The following FLG variants were observed in gnomAD, a reference collection of about 807,000 sequenced individuals.
FLG encodes the protein filaggrin.
Under a neutral mutation model 3.8 loss-of-function variants are expected in FLG, and 6 were observed. The observed-to-expected ratio is 1.60, with a 90% CI of 0.87 to 3.15. FLG has a LOEUF of 3.15. FLG is among the 30% of genes most tolerant of loss of function. FLG has a pLI of 0.00. For missense variants in FLG, 7,595 were observed against 5,050.9 expected, an observed-to-expected ratio of 1.50 and a Z score of -15.27; for synonymous variants, 2,551 against 1,931.6, an observed-to-expected ratio of 1.32 and a Z score of -8.41.
Position 152,307,757 on chromosome 1 carries a change from C to A in FLG, c.7129G>T (p.Asp2377Tyr). ...QASDSEGHSE[D>Y]SDTQSVSAHG... is the part of the protein sequence containing the mutation. ...GCTGACACTGACTGTGTGTCTGAGT[C>A]TTCTGAATGTCCCTCACTGTCACTG... The change falls in exon 3 of 3, where the codon GAC (aspartate) becomes TAC (tyrosine). Residue 2377 changes from aspartate to tyrosine, a missense_variant. By Grantham distance (160) the Asp-to-Tyr change is radical. Transcript: ENST00000368799. 1 of 1,613,286 alleles carries A rather than the reference C, an allele frequency of 6.2e-7. No individual in the cohort carries two copies.
rs113933537 is a variant in FLG at position 152,304,418 on chromosome 1, G to C, written c.10468C>G (p.Arg3490Gly). The C allele has an allele frequency of 1.6e-5, 25 of 1,611,606 alleles. No individual in the cohort carries two copies. Among genetic ancestry groups the C allele is most frequent in the South Asian group, 3.3e-5 (3 of 90,536 alleles). ...CCATCTCCTGATTGTTCGTCATTACGAGTTTGTCTGCTGGCACTTCTGGAT... is the reference window on the plus strand; with the variant it reads ...CCATCTCCTGATTGTTCGTCATTACCAGTTTGTCTGCTGGCACTTCTGGAT... ...SGSRSASRQT[R>G]NDEQSGDGSR... Residue 3490 changes from arginine to glycine, a missense_variant, in exon 3 of 3, where the codon CGT becomes GGT. By Grantham distance (125) the Arg-to-Gly change is moderately radical. Coordinates refer to ENST00000368799, the MANE Select transcript of FLG (RefSeq NM_002016.2).
Position 152,306,097 on chromosome 1 carries a change from G to T in FLG, c.8789C>A (p.Pro2930His). 6.3e-7 allele frequency: 1 copy of T among 1,598,884 alleles called. No homozygotes were observed. Among genetic ancestry groups the T allele is most frequent in the South Asian group, 1.1e-5 (1 of 91,050 alleles). The change falls in exon 3 of 3, where the codon CCC (proline) becomes CAC (histidine). Residue 2930 changes from proline to histidine, a missense_variant. By Grantham distance (77) the Pro-to-His change is moderately conservative (BLOSUM62 -2). Coordinates refer to ENST00000368799, the MANE Select transcript of FLG (RefSeq NM_002016.2). ...AGCTCTGTCTTCTTGATGGGACCTG[G>T]GGTGTCTGGAGCCATCTCTTAGCTG... is the stretch of plus-strand genomic sequence containing the variant. ...QEQLRDGSRH[P>H]RSHQEDRAGH... is the part of the protein sequence containing the mutation.
rs1158578440 is a variant in FLG, at chr1:152,303,221, C to T, written c.11665G>A (p.Gly3889Arg). Residue 3889 changes from glycine to arginine, a missense_variant, in exon 3 of 3, where the codon GGA (glycine) becomes AGA (arginine). Physicochemically the swap from Gly to Arg is moderately radical, Grantham distance 125. Coordinates refer to ENST00000368799, the MANE Select transcript of FLG (RefSeq NM_002016.2). ...TCTCTTGACTGCTCCCGAGAAGATC[C>T]ATGATGGTTTCTGGAAGCAGACTCA... ...RSESASRNHHGSSREQSRDGS... is the reference protein window; with the variant it reads ...RSESASRNHHRSSREQSRDGS... The T allele has an allele frequency of 4.3e-6, 7 of 1,614,066 alleles. No homozygotes were observed. The South Asian group carries it at 6.6e-5, about 15-fold the overall frequency.
Position 152,313,092 on chromosome 1 carries a change from A to C in FLG, c.1794T>G (p.Ser598=). 6.2e-7 allele frequency: 1 copy of C among 1,613,882 alleles called. No homozygotes were observed. The highest frequency in any genetic ancestry group is 8.5e-7 in the Non-Finnish European group (1 of 1,179,992). Residue 598 remains serine, a synonymous_variant, in exon 3 of 3, where the codon TCT becomes TCG. Coordinates refer to ENST00000368799, the MANE Select transcript of FLG (RefSeq NM_002016.2). ...GTCCCTGGCCCACCTGTGAGTGTCT[A>C]GAGCTGTCAGCCTGAGAGGAAGCTT... ...HHEASSQADS[S]RHSQVGQGQS... is the part of the protein sequence containing the mutation.
At chr1:152,317,375 C>G (rs1168244714) in intron 1 of FLG, among the ~76,000 whole-genome samples, 1 of 152,026 alleles carries the variant, frequency 6.6e-6, no homozygotes, top group Non-Finnish European at 1.5e-5. Flanking sequence ...TTCCTTTACT[C>G]AAGGTATTTT....
chr1:152,309,527 C>T lies in FLG; in HGVS notation c.5359G>A (p.Gly1787Arg), dbSNP rs766595278. The T allele has an allele frequency of 6.2e-6, 10 of 1,613,894 alleles. No individual in the cohort carries two copies. Among genetic ancestry groups the T allele is most frequent in the Non-Finnish European group, 7.6e-6 (9 of 1,179,970 alleles). ...TCGTGGCGGGATCTTTGTCTTCCTCCAGTGCTGGGCCCTGTGCGTCCATGG... is the reference window on the plus strand; with the variant it reads ...TCGTGGCGGGATCTTTGTCTTCCTCTAGTGCTGGGCCCTGTGCGTCCATGG... ...SAHGRTGPST[G>R]GRQRSRHEQA... The change falls in exon 3 of 3, where the codon GGA becomes AGA. Residue 1787 changes from glycine (G) to arginine (R), a missense_variant. By Grantham distance (125) the Gly-to-Arg change is moderately radical. Coordinates refer to ENST00000368799, the MANE Select transcript of FLG (RefSeq NM_002016.2).
At position 152,308,782 on chromosome 1, in the gene FLG, C is replaced by T. The variant is rs1378129457; in HGVS notation, c.6104G>A (p.Gly2035Glu). 1.9e-6 allele frequency: 3 copies of T among 1,614,192 alleles called. No homozygotes were observed. Among genetic ancestry groups the T allele is most frequent in the Admixed American group, 3.3e-5 (2 of 60,024 alleles). Reference protein sequence around the residue: ...GQASSAVRDSGHRGYSGSQAS... With the variant: ...GQASSAVRDSEHRGYSGSQAS... ...CTGACTACCACTGTACCCTCGGTGT[C>T]CACTGTCTCTGACTGCAGATGAAGC... Residue 2035 changes from glycine (G) to glutamate (E), a missense_variant, in exon 3 of 3, where the codon GGA becomes GAA. Transcript: ENST00000368799.
Position 152,310,939 on chromosome 1 carries a change from C to T in FLG, c.3947G>A (p.Arg1316Lys), listed in dbSNP as rs767954865. 6.2e-7 allele frequency: 1 copy of T among 1,614,054 alleles called. No individual in the cohort carries two copies. Among genetic ancestry groups the T allele is most frequent in the Non-Finnish European group, 8.5e-7 (1 of 1,180,014 alleles). ...GTCTGCAGAGTGCCCGTGACTGGCT[C>T]TGTCTTCTTGATGGAACCCAGGGTG... is the stretch of plus-strand genomic sequence containing the variant. The part of the protein sequence containing the change: ...SRHPGFHQED[R>K]ASHGHSADSS... The change falls in exon 3 of 3, where the codon AGA becomes AAA. Residue 1316 changes from arginine (R) to lysine (K), a missense_variant. Arg to Lys is a conservative substitution (Grantham distance 26). Transcript: ENST00000368799.
chr1:152,308,970 G>A lies in FLG; in HGVS notation c.5916C>T (p.Asp1972=), dbSNP rs551888992. Residue 1972 remains aspartate, a synonymous_variant, in exon 3 of 3, where the codon GAC becomes GAT. Coordinates refer to ENST00000368799, the MANE Select transcript of FLG (RefSeq NM_002016.2). ...EDRAGHGHSA[D]SSRQSGTRHT... ...GACGAGTGCCTGATTGTCTGGAGCT[G>A]TCTGCAGAGTGCCCGTGACCGGCTC... The A allele has an allele frequency of 1.2e-6, 2 of 1,614,154 alleles. No individual in the cohort carries two copies. The highest frequency in any genetic ancestry group is 1.1e-5 in the South Asian group (1 of 91,076).
rs1238355661 is a variant in FLG, at chr1:152,302,394, A to G, written c.*306T>C. ...TAATTTAGAAATTTGGGGAGTGTCT[A>G]AAACTTAAACTTTCAAAAACATAAA... is the stretch of plus-strand genomic sequence containing the variant. On this transcript the variant is annotated 3_prime_UTR_variant, in exon 3 of 3. Transcript: ENST00000368799. 12 of 359,986 alleles carry G rather than the reference A, an allele frequency of 3.3e-5. No homozygotes were observed. Among genetic ancestry groups the G allele is most frequent in the African/African-American group, 1.0e-4 (5 of 47,710 alleles). 22.3% of individuals were successfully genotyped at this position (359,986 alleles called of 1,614,324 possible).
rs775877964 is a variant in FLG at position 152,308,307 on chromosome 1, T to A, written c.6579A>T (p.Thr2193=). ...QSGSRSASRK[T]YDKEQSGDGS... is the part of the protein sequence containing the mutation. ...CATCTCCTGATTGTTCCTTGTCATA[T>A]GTTTTTCTGCTTGCACTTCTGGATC... is the stretch of plus-strand genomic sequence containing the variant. The change falls in exon 3 of 3, where the codon ACA becomes ACT. Residue 2193 remains threonine, a synonymous_variant. Transcript: ENST00000368799. 153 of 1,613,484 alleles carry A rather than the reference T, an allele frequency of 9.5e-5. No homozygotes were observed. Among genetic ancestry groups the A allele is most frequent in the Non-Finnish European group, 1.3e-4 (149 of 1,179,724 alleles).
In FLG at chr1:152,308,098, G is replaced by A. The variant is rs373335399; in HGVS notation, c.6788C>T (p.Ala2263Val). 84 of 1,613,848 alleles carry A rather than the reference G, an allele frequency of 5.2e-5. No individual in the cohort carries two copies. The highest frequency in any genetic ancestry group is 1.3e-4 in the East Asian group (6 of 44,862). Reference protein sequence around the residue: ...SEDSERRSGSASRNHHGSAQE... With the variant: ...SEDSERRSGSVSRNHHGSAQE... ...AGCAGATCCATGATGGTTTCTGGACGCAGACCCAGACCGCCTCTCAGAATC... is the reference window on the plus strand; with the variant it reads ...AGCAGATCCATGATGGTTTCTGGACACAGACCCAGACCGCCTCTCAGAATC... Residue 2263 changes from alanine (A) to valine (V), a missense_variant, in exon 3 of 3, where the codon GCG becomes GTG. Physicochemically the swap from Ala to Val is moderately conservative, Grantham distance 64 (BLOSUM62 0). Transcript: ENST00000368799.
At position 152,313,798 on chromosome 1, in the gene FLG, G is replaced by T. The variant is rs1471824026; in HGVS notation, c.1088C>A (p.Thr363Asn). 6.8e-6 allele frequency: 11 copies of T among 1,614,010 alleles called. No homozygotes were observed. The African/African-American group carries it at 1.1e-4, about 16-fold the overall frequency. ...SRQSGTRHAE[T>N]SSRGQTASSH... ...TGATGCAGTCTGTCCACGAGAGGAA[G>T]TCTCTGCGTGACGAGTGCCTGATTG... Residue 363 changes from threonine to asparagine, a missense_variant, in exon 3 of 3, where the codon ACT becomes AAT. Physicochemically the swap from Thr to Asn is moderately conservative, Grantham distance 65 (BLOSUM62 0). Coordinates refer to ENST00000368799, the MANE Select transcript of FLG (RefSeq NM_002016.2).
At position 152,313,467 on chromosome 1, in the gene FLG, G is replaced by A; in HGVS notation, c.1419C>T (p.Ser473=). The A allele has an allele frequency of 6.2e-7, 1 of 1,613,850 alleles. No individual in the cohort carries two copies. The highest frequency in any genetic ancestry group is 8.5e-7 in the Non-Finnish European group (1 of 1,179,992). ...GRSGSSLYQV[S]THEQPDSAHG... is the part of the protein sequence containing the mutation. ...GGGCAGAGTCAGGCTGTTCATGAGT[G>A]CTCACCTGGTAGAGGGAAGACCCTG... The change falls in exon 3 of 3, where the codon AGC becomes AGT. Residue 473 remains serine (S), a synonymous_variant. Coordinates refer to ENST00000368799, the MANE Select transcript of FLG (RefSeq NM_002016.2).
Position 152,312,679 on chromosome 1 carries a change from T to C in FLG, c.2207A>G (p.Asp736Gly), listed in dbSNP as rs1030482361. 18 of 1,613,850 alleles carry C rather than the reference T, an allele frequency of 1.1e-5. No individual in the cohort carries two copies. Among genetic ancestry groups the C allele is most frequent in the Non-Finnish European group, 1.5e-5 (18 of 1,180,004 alleles). Residue 736 changes from aspartate (D) to glycine (G), a missense_variant, in exon 3 of 3, where the codon GAC becomes GGC. Transcript: ENST00000368799. ...ACCACTGGACCCTCGGTGTCCACTG[T>C]CTCTGACTGCAGATGAAGCTTGTCC... ...GHGQASSAVRDSGHRGSSGSQ... is the reference protein window; with the variant it reads ...GHGQASSAVRGSGHRGSSGSQ...
At position 152,307,792 on chromosome 1, in the gene FLG, C is replaced by A. The variant is rs1652082882; in HGVS notation, c.7094G>T (p.Gly2365Val). The A allele has an allele frequency of 1.2e-6, 2 of 1,612,876 alleles. No individual in the cohort carries two copies. The highest frequency in any genetic ancestry group is 1.3e-5 in the African/African-American group (1 of 74,370). The change falls in exon 3 of 3, where the codon GGT (glycine) becomes GTT (valine). Residue 2365 changes from glycine to valine, a missense_variant. Physicochemically the swap from Gly to Val is moderately radical, Grantham distance 109 (BLOSUM62 -3). Coordinates refer to ENST00000368799, the MANE Select transcript of FLG (RefSeq NM_002016.2). ...VRDSGHRGSS[G>V]SQASDSEGHS... ...TCCCTCACTGTCACTGGCCTGACTA[C>A]CACTGGACCCTCGGTGTCCACTGTC...
Position 152,313,329 on chromosome 1 carries a change from G to T in FLG, c.1557C>A (p.His519Gln), listed in dbSNP as rs750014132. The T allele has an allele frequency of 6.2e-7, 1 of 1,613,444 alleles. No individual in the cohort carries two copies. Among genetic ancestry groups the T allele is most frequent in the Non-Finnish European group, 8.5e-7 (1 of 1,179,870 alleles). ...SQEGQDTIRG[H>Q]PGSSRGGRQG... is the part of the protein sequence containing the mutation. The stretch of plus-strand genomic sequence containing the variant: ...GCCTTCCTCCTCTGCTTGACCCCGG[G>T]TGTCCACGAATGGTGTCCTGACCCT... Residue 519 changes from histidine (H) to glutamine (Q), a missense_variant, in exon 3 of 3, where the codon CAC (histidine) becomes CAA (glutamine). Transcript: ENST00000368799.
Position 152,312,196 on chromosome 1 carries a change from C to G in FLG, c.2690G>C (p.Arg897Pro), listed in dbSNP as rs200062706. 1 of 1,603,298 alleles carries G rather than the reference C, an allele frequency of 6.2e-7. No homozygotes were observed. The highest frequency in any genetic ancestry group is 8.5e-7 in the Non-Finnish European group (1 of 1,178,852). Residue 897 changes from arginine to proline, a missense_variant, in exon 3 of 3, where the codon CGT becomes CCT. By Grantham distance (103) the Arg-to-Pro change is moderately radical (BLOSUM62 -2). Coordinates refer to ENST00000368799, the MANE Select transcript of FLG (RefSeq NM_002016.2). ...GCCGTCTCTTGATTGTTCCTCATTA[C>G]GTGTTGTTCTGCTTGCACTTCTGGA... ...SGSRSASRTT[R>P]NEEQSRDGSR...
chr1:152,303,200 T>A lies in FLG; in HGVS notation c.11686A>T (p.Arg3896Ter), dbSNP rs777560970. 6.2e-7 allele frequency: 1 copy of A among 1,614,088 alleles called. No individual in the cohort carries two copies. The highest frequency in any genetic ancestry group is 2.2e-5 in the East Asian group (1 of 44,880). ...GATCCGGGGTGTCTGGAGCCATCTC[T>A]TGACTGCTCCCGAGAAGATCCATGA... is the stretch of plus-strand genomic sequence containing the variant. ...NHHGSSREQSRDGSRHPGSSH... is the reference protein window; with the variant it reads ...NHHGSSREQS Residue 3896 changes from arginine (R) to a stop codon, truncating the protein, a stop_gained, in exon 3 of 3, where the codon AGA (arginine) becomes TGA (stop). Transcript: ENST00000368799. LOFTEE classifies it low-confidence loss of function (END_TRUNC).
Sources: gnomAD v4.1 joint callset for allele counts (sites outside exome capture counted in the v4.1 genomes callset) on GRCh38, gnomAD v4.1.1 for gene constraint, MANE v1.5 for transcripts, NCBI Gene and HGNC (gene_info 2026-07-23, HGNC 2026-07-21) for gene names.